PC: variants seen among roughly 807,000 people sequenced by gnomAD.
PC encodes the protein pyruvate carboxylase, mitochondrial.
PC carries 46 observed loss-of-function variants against 107.8 expected under a neutral mutation model. The observed-to-expected ratio is 0.43, with a 90% CI of 0.34 to 0.55. The LOEUF (loss-of-function observed/expected upper bound fraction) is 0.55, where lower values mean the gene tolerates loss of function less well. Ranked by LOEUF, PC falls within the 20% of genes least tolerant of loss-of-function variation. The pLI, the probability that PC is intolerant of heterozygous loss-of-function variation, is 0.04. For missense variants in PC, 1,241 were observed against 1,643.1 expected (o/e 0.76, Z 4.23); for synonymous variants, 662 against 684.7 (o/e 0.97, Z 0.52).
rs758599912 is a variant in PC, at chr11:66,853,196, C to T, written c.1513+43G>A. On this transcript the variant is annotated intron_variant, in intron 13 of 22. Transcript: ENST00000393960. ...GAGGTAGGAGCAAGAGATTGGAGAG[C>T]GGAGGGGAGGGGAGGGCAGGGCAGG... 1.7e-5 allele frequency: 27 copies of T among 1,581,778 alleles called. No individual in the cohort carries two copies. In the Admixed American group the frequency reaches 2.4e-4, roughly 14 times the overall value.
chr11:66,915,284 G>A (rs1239895683), intron 3 of PC, among the ~76,000 whole-genome samples: 4 of 152,198 alleles, frequency 2.6e-5, no homozygotes, highest in African/African-American at 4.8e-5. Context: ...TGCCTGCTGC[G>A]AGAGGCAGAT....
intron 3 of PC, among the ~76,000 whole-genome samples, chr11:66,880,933 T>C (rs1024044272): frequency 1.1e-4 from 16 of 152,200 alleles, no homozygotes; most frequent in Non-Finnish European, 2.1e-4. Flanking sequence ...ACAGAGCCGT[T>C]TCCTGCTCCC....
chr11:66,850,443 AAC>A lies in PC; in HGVS notation c.2493_2494del (p.Phe832Ter), dbSNP rs756355930. Reference sequence around the variant, plus strand: ...CCCCTCCCAGTACTCACTGTAGTCAAACACGCGCTCCATGGGCACCTCTGCAG... The same window carrying A: ...CCCCTCCCAGTACTCACTGTAGTCAAACGCGCTCCATGGGCACCTCTGCAG... On this transcript the variant is annotated frameshift_variant, in exon 19 of 23. Transcript: ENST00000393960. LOFTEE classifies it high-confidence loss of function. The A allele has an allele frequency of 1.2e-5, 19 of 1,613,784 alleles. No individual in the cohort carries two copies. The highest frequency in any genetic ancestry group is 1.5e-5 in the Non-Finnish European group (18 of 1,180,006).
At chr11:66,937,847 G>A (rs559782404) in intron 3 of PC, among the ~76,000 whole-genome samples, 1 of 149,824 alleles carries the variant, frequency 6.7e-6, no homozygotes, top group African/African-American at 2.5e-5. Flanking sequence ...TGCCATCTCA[G>A]CTCACTGCAA....
rs1487772807 is a variant in PC, at chr11:66,849,989, T to C, written c.2846A>G (p.Gln949Arg). 1.9e-6 allele frequency: 3 copies of C among 1,613,708 alleles called. No individual in the cohort carries two copies. The highest frequency in any genetic ancestry group is 2.5e-6 in the Non-Finnish European group (3 of 1,180,034). Residue 949 changes from glutamine (Q) to arginine (R), a missense_variant, in exon 20 of 23, where the codon CAG becomes CGG. Coordinates refer to ENST00000393960, the MANE Select transcript of PC (RefSeq NM_001040716.2). ...SFPRSVVEFL[Q>R]GYIGVPHGGF... ...CCCATGGGGGACACCGATGTAGCCCTGCAGGAACTCCACCACGGAGCGGGG... is the reference window on the plus strand; with the variant it reads ...CCCATGGGGGACACCGATGTAGCCCCGCAGGAACTCCACCACGGAGCGGGG...
chr11:66,918,828 A>G (rs952625361), intron 3 of PC, among the ~76,000 whole-genome samples: 3 of 152,200 alleles, frequency 2.0e-5, no homozygotes, highest in African/African-American at 7.2e-5. Flanking sequence ...CTGGCCTCAA[A>G]GCAGAGCCCC....
chr11:66,877,988 T>C (rs1480271455), intron 3 of PC, among the ~76,000 whole-genome samples: 1 of 152,128 alleles, frequency 6.6e-6, no homozygotes, highest in East Asian at 1.9e-4. Flanking sequence ...ATTTTCTCCA[T>C]TGGGGATGCG....
chr11:66,890,535 C>G (rs1245747559), intron 3 of PC, among the ~76,000 whole-genome samples: 1 of 145,872 alleles, frequency 6.9e-6, no homozygotes. Context: ...GAGTCTCACT[C>G]TATCACCCAG....
At position 66,849,814 on chromosome 11, in the gene PC, GGGA is replaced by G; in HGVS notation, c.2941_2943del (p.Ser981del). On this transcript the variant is annotated inframe_deletion, in exon 21 of 23. Coordinates refer to ENST00000393960, the MANE Select transcript of PC (RefSeq NM_001040716.2). ...AGTGCCTGCAGATCCAGGGGAGGGA[GGGA>G]GGCTCCAGGCCGCCCCTCCACCCTT... 1.9e-6 allele frequency: 3 copies of G among 1,613,968 alleles called. No individual in the cohort carries two copies. In the South Asian group the frequency reaches 3.3e-5, roughly 18 times the overall value.
intron 3 of PC, among the ~76,000 whole-genome samples, chr11:66,933,701 C>T (rs1227140165): frequency 1.3e-5 from 2 of 152,136 alleles, no homozygotes; most frequent in Non-Finnish European, 2.9e-5. Flanking sequence ...ATTGCAACCA[C>T]TTCCCTAACC....
At position 66,858,821 on chromosome 11, in the gene PC, G is replaced by A. The variant is rs762653204; in HGVS notation, c.1368+4953C>T. On this transcript the variant is annotated intron_variant, in intron 12 of 22. Coordinates refer to ENST00000393960, the MANE Select transcript of PC (RefSeq NM_001040716.2). The surrounding 1 kb of genome is among the most constrained non-coding windows in gnomAD (Gnocchi z 5.9). ...GCATCGCCACCAACCCTGCTGGTGA[G>A]GCCACAGCCCGAGTAGAACTGCGGG... is the stretch of plus-strand genomic sequence containing the variant. The A allele has an allele frequency of 1.1e-4, 164 of 1,550,380 alleles. No individual in the cohort carries two copies. In the East Asian group the frequency reaches 3.9e-3, roughly 37 times the overall value.
intron 12 of PC, chr11:66,859,036 C>T: frequency 6.6e-7 from 1 of 1,507,370 alleles, no homozygotes; most frequent in Non-Finnish European, 8.9e-7. Context: ...CCAGCCGACC[C>T]AGTGTGGATG....
At chr11:66,953,695 G>A (rs1006502533) in intron 2 of PC, among the ~76,000 whole-genome samples, 2 of 152,118 alleles carry the variant, frequency 1.3e-5, no homozygotes, top group African/African-American at 4.8e-5. Context: ...CCTTGCACAA[G>A]GAACTGTATG....
chr11:66,880,855 T>G (rs1391058852), intron 3 of PC, among the ~76,000 whole-genome samples: 1 of 152,218 alleles, frequency 6.6e-6, no homozygotes, highest in Non-Finnish European at 1.5e-5. Context: ...AATCAAGAAG[T>G]TCTCAAGGTT....
chr11:66,910,434 G>A (rs565753535), intron 3 of PC, among the ~76,000 whole-genome samples: 8 of 152,158 alleles, frequency 5.3e-5, no homozygotes, highest in Admixed American at 1.3e-4. Context: ...CATTGATGTC[G>A]TATGACTTCT....
At chr11:66,876,590 G>C (rs1946987702) in intron 3 of PC, among the ~76,000 whole-genome samples, 1 of 152,232 alleles carries the variant, frequency 6.6e-6, no homozygotes, top group Non-Finnish European at 1.5e-5. Context: ...GCTCAGAGCA[G>C]GATGAACGTC....
intron 1 of PC, among the ~76,000 whole-genome samples, chr11:66,955,342 G>A (rs987567188): frequency 3.9e-5 from 6 of 152,114 alleles, no homozygotes; most frequent in Non-Finnish European, 7.4e-5. Context: ...ACAGTGCCTG[G>A]GGCACTGGAA....
intron 3 of PC, among the ~76,000 whole-genome samples, chr11:66,893,411 A>C (rs1264748120): frequency 6.6e-6 from 1 of 152,086 alleles, no homozygotes; most frequent in African/African-American, 2.4e-5. Flanking sequence ...TGCCTACAGA[A>C]CCCAAATAAA....
At chr11:66,850,962 G>A in intron 17 of PC, 39 bp from the exon 18 acceptor site, 1 of 1,607,892 alleles carries the variant, frequency 6.2e-7, no homozygotes, top group East Asian at 2.2e-5. Flanking sequence ...AGATGGTAGA[G>A]AGGGCAGGAT....
Sources: allele counts gnomAD v4.1 joint callset (sites outside exome capture counted in the v4.1 genomes callset), GRCh38; gene constraint gnomAD v4.1.1; non-coding constraint Gnocchi (gnomAD v3.1); transcripts MANE v1.5; gene names NCBI Gene and HGNC (gene_info 2026-07-23, HGNC 2026-07-21).